Variants in CCL4L2 observed in about 807,000 individuals in gnomAD.
CCL4L2 encodes the protein C-C motif chemokine 4-like.
Under a neutral mutation model 5.9 loss-of-function variants are expected in CCL4L2, and 3 were observed. That is an observed-to-expected ratio of 0.51 (90% CI 0.23 to 1.32). The LOEUF (loss-of-function observed/expected upper bound fraction) is 1.32. CCL4L2 is among the 40% of genes most tolerant of loss of function. CCL4L2 has a pLI of 0.18. For missense variants in CCL4L2, 74 were observed against 121.2 expected, an observed-to-expected ratio of 0.61 and a Z score of 1.83; for synonymous variants, 36 against 47.6, an observed-to-expected ratio of 0.76 and a Z score of 1.00.
rs1403237906 is a variant in CCL4L2, at chr17:36,211,755, C to T, written c.77-21C>T. 5.7e-6 allele frequency: 9 copies of T among 1,566,120 alleles called. 1 individual carries two copies. The highest frequency in any genetic ancestry group is 7.0e-6 in the Non-Finnish European group (8 of 1,144,248). ...CAGCTCCCATGGGCAGTGTTGATCT[C>T]ACCCTGGCCTTTCCTTTCAGTGGGC... On this transcript the variant is annotated intron_variant, in intron 1 of 2. Transcript: ENST00000617405.
At chr17:36,212,106 A>G in intron 2 of CCL4L2, 1 of 727,486 alleles carries the variant, frequency 1.4e-6, no homozygotes, top group Admixed American at 2.1e-5. Context: ...CTGGGGAGGA[A>G]GTTATTCAGA....
At chr17:36,211,993 C>G in intron 2 of CCL4L2, 103 bp downstream of exon 2, 1 of 1,310,832 alleles carries the variant, frequency 7.6e-7, no homozygotes, top group Non-Finnish European at 1.1e-6. Context: ...GGAGGCAGCT[C>G]TCAGGGCTGA....
chr17:36,212,174 AC>A, intron 2 of CCL4L2: 1 of 699,990 alleles, frequency 1.4e-6, no homozygotes. Context: ...AATTCCTTAA[AC>A]CATGCTAGAA....
At position 36,212,767 on chromosome 17, in the gene CCL4L2, C is replaced by G; in HGVS notation, c.*344C>G. ...TTAGTTTAGCCAAAGGATAAGTGTCCCCTATGGGGATGGTCCACTCTCACT... is the reference window on the plus strand; with the variant it reads ...TTAGTTTAGCCAAAGGATAAGTGTCGCCTATGGGGATGGTCCACTCTCACT... On this transcript the variant is annotated 3_prime_UTR_variant, in exon 3 of 3. Transcript: ENST00000617405. The G allele has an allele frequency of 1.4e-6, 1 of 731,836 alleles. No homozygotes were observed. The allele number at this position is 731,836 out of a possible 1,614,324, so 45.3% of individuals were successfully genotyped here.
chr17:36,212,719 A>C lies in CCL4L2; in HGVS notation c.*296A>C. On this transcript the variant is annotated 3_prime_UTR_variant, in exon 3 of 3. Coordinates refer to ENST00000617405, the MANE Select transcript of CCL4L2 (RefSeq NM_001291475.2). The stretch of plus-strand genomic sequence containing the variant: ...CTTTTATGTGCTGTATTATTGTATT[A>C]GGTGTTATTTCCATTATTTATATTA... 4 of 1,000,434 alleles carry C rather than the reference A, an allele frequency of 4.0e-6. No individual in the cohort carries two copies. In the South Asian group the frequency reaches 5.7e-5, roughly 14 times the overall value. The allele number at this position is 1,000,434 out of a possible 1,614,324, so 62.0% of individuals were successfully genotyped here. A position where few individuals can be genotyped will look rare whatever the true frequency, so the allele number is the denominator to read the frequency against.
At chr17:36,212,249 A>G in intron 2 of CCL4L2, 1 of 728,704 alleles carries the variant, frequency 1.4e-6, no homozygotes, top group Non-Finnish European at 2.5e-6. Context: ...TACTGATTGC[A>G]ATGCCCACTG....
Position 36,211,795 on chromosome 17 carries a change from C to G in CCL4L2, c.96C>G (p.Thr32=). Reference sequence around the variant, plus strand: ...TTTCAGTGGGCTCAGACCCTCCCACCGCCTGCTGCTTTTCTTACACCGCGA... The same window carrying G: ...TTTCAGTGGGCTCAGACCCTCCCACGGCCTGCTGCTTTTCTTACACCGCGA... The change falls in exon 2 of 3, where the codon ACC becomes ACG. Residue 32 remains threonine (T), a synonymous_variant. Transcript: ENST00000617405. 6.3e-7 allele frequency: 1 copy of G among 1,578,510 alleles called. No individual in the cohort carries two copies. The highest frequency in any genetic ancestry group is 1.7e-5 in the Admixed American group (1 of 59,104).
Position 36,212,546 on chromosome 17 carries a change from G to C in CCL4L2, c.*123G>C. 6.3e-7 allele frequency: 1 copy of C among 1,581,504 alleles called. No individual in the cohort carries two copies. The highest frequency in any genetic ancestry group is 1.7e-5 in the Admixed American group (1 of 59,116). On this transcript the variant is annotated 3_prime_UTR_variant, in exon 3 of 3. Transcript: ENST00000617405. Reference sequence around the variant, plus strand: ...CAGTGAGTCCTGGGTCCAGGAGTACGTGTATGACCTGGAACTGAACTGAGC... The same window carrying C: ...CAGTGAGTCCTGGGTCCAGGAGTACCTGTATGACCTGGAACTGAACTGAGC...
At chr17:36,211,560 A>T in intron 1 of CCL4L2, 1 of 692,416 alleles carries the variant, frequency 1.4e-6, no homozygotes. Context: ...CTGAGACTGA[A>T]TCCAGTTCCA....
chr17:36,212,147 C>A, intron 2 of CCL4L2: 1 of 697,210 alleles, frequency 1.4e-6, no homozygotes, highest in Non-Finnish European at 2.6e-6. Flanking sequence ...GCAGACAGGT[C>A]CCGTGAGATA....
At chr17:36,211,542 G>T in intron 1 of CCL4L2, 1 of 679,428 alleles carries the variant, frequency 1.5e-6, no homozygotes, top group Non-Finnish European at 2.7e-6. Flanking sequence ...AAGGGAGTGC[G>T]ATGTGTTCTG....
chr17:36,212,826 C>T lies in CCL4L2; in HGVS notation c.*403C>T, dbSNP rs1390959097. 14 of 539,074 alleles carry T rather than the reference C, an allele frequency of 2.6e-5. No individual in the cohort carries two copies. The highest frequency in any genetic ancestry group is 1.8e-4 in the African/African-American group (10 of 54,940). 33.4% of individuals were successfully genotyped at this position (539,074 alleles called of 1,614,324 possible). On this transcript the variant is annotated 3_prime_UTR_variant, in exon 3 of 3. Coordinates refer to ENST00000617405, the MANE Select transcript of CCL4L2 (RefSeq NM_001291475.2). ...GCTGTTGCAAATACATGGATAACAC[C>T]GTTAATTCCATGTGTTTTCATAATA...
chr17:36,212,401 T>G lies in CCL4L2; in HGVS notation c.290T>G (p.Met97Arg). Residue 97 changes from methionine to arginine, a missense_variant, in exon 3 of 3, where the codon ATG becomes AGG. Met to Arg is a moderately conservative substitution (Grantham distance 91). Coordinates refer to ENST00000617405, the MANE Select transcript of CCL4L2 (RefSeq NM_001291475.2). ...TGGACCATGGTCAGGCAGAGGAAGA[T>G]GCCTACCACAGGCAAGGGATAAAGC... The G allele has an allele frequency of 6.6e-7, 1 of 1,510,364 alleles. No individual in the cohort carries two copies. Among genetic ancestry groups the G allele is most frequent in the Non-Finnish European group, 9.2e-7 (1 of 1,090,462 alleles). The allele number at this position is 1,510,364 out of a possible 1,614,324, so 93.6% of individuals were successfully genotyped here. A position where few individuals can be genotyped will look rare whatever the true frequency, so the allele number is the denominator to read the frequency against.
At chr17:36,211,917 G>C in intron 2 of CCL4L2, 27 bp downstream of exon 2, 4 of 1,574,978 alleles carry the variant, frequency 2.5e-6, no homozygotes, top group Non-Finnish European at 3.5e-6. Flanking sequence ...GGCTGCCCTG[G>C]GAGGCAAGGG....
rs1406460570 is a variant in CCL4L2, at chr17:36,212,337, T to C, written c.226T>C (p.Cys76Arg). The change falls in exon 3 of 3, where the codon TGC becomes CGC. Residue 76 changes from cysteine (C) to arginine (R), a missense_variant. Cys to Arg is a radical substitution (Grantham distance 180). Transcript: ENST00000617405. ...GTTACAGGGAGTCTGCTTCCAGTGCTGCTCCGGGAAGGATCCCATCCACCA... is the reference window on the plus strand; with the variant it reads ...GTTACAGGGAGTCTGCTTCCAGTGCCGCTCCGGGAAGGATCCCATCCACCA... The C allele has an allele frequency of 9.7e-7, 1 of 1,034,442 alleles. No individual in the cohort carries two copies. 64.1% of individuals were successfully genotyped at this position (1,034,442 alleles called of 1,614,324 possible).
intron 2 of CCL4L2, 144 bp downstream of exon 2, chr17:36,212,034 T>A: frequency 9.8e-7 from 1 of 1,020,374 alleles, no homozygotes; most frequent in Non-Finnish European, 1.5e-6. Context: ...AGGTCACAGG[T>A]CATGAACTCA....
Position 36,212,407 on chromosome 17 carries a change from C to A in CCL4L2, c.296C>A (p.Thr99Asn). The A allele has an allele frequency of 6.5e-7, 1 of 1,533,178 alleles. No homozygotes were observed. The highest frequency in any genetic ancestry group is 9.0e-7 in the Non-Finnish European group (1 of 1,111,810). 95.0% of individuals were successfully genotyped at this position (1,533,178 alleles called of 1,614,324 possible). ...ATGGTCAGGCAGAGGAAGATGCCTA[C>A]CACAGGCAAGGGATAAAGCCAGATG... The change falls in exon 3 of 3, where the codon ACC (threonine) becomes AAC (asparagine). Residue 99 changes from threonine (T) to asparagine (N), a missense_variant. Thr to Asn is a moderately conservative substitution (Grantham distance 65). Coordinates refer to ENST00000617405, the MANE Select transcript of CCL4L2 (RefSeq NM_001291475.2).
At position 36,212,676 on chromosome 17, in the gene CCL4L2, C is replaced by T. The variant is rs2068812615; in HGVS notation, c.*253C>T. On this transcript the variant is annotated 3_prime_UTR_variant, in exon 3 of 3. Coordinates refer to ENST00000617405, the MANE Select transcript of CCL4L2 (RefSeq NM_001291475.2). ...GGACTCCTCTCCGCAGTTCCTGTCTCTTCTCTTAATGTAATCTCTTTTATG... is the reference window on the plus strand; with the variant it reads ...GGACTCCTCTCCGCAGTTCCTGTCTTTTCTCTTAATGTAATCTCTTTTATG... 7.9e-7 allele frequency: 1 copy of T among 1,265,282 alleles called. No individual in the cohort carries two copies. The highest frequency in any genetic ancestry group is 1.2e-6 in the Non-Finnish European group (1 of 867,914). The allele number at this position is 1,265,282 out of a possible 1,614,324, so 78.4% of individuals were successfully genotyped here.
chr17:36,212,485 C>G lies in CCL4L2; in HGVS notation c.*62C>G. ...CTGTCTGCTCCTTGTTCTACGGATT[C>G]CAAACCAAAAGAGGCAAGCAAGTCT... On this transcript the variant is annotated 3_prime_UTR_variant, in exon 3 of 3. Transcript: ENST00000617405. 6.3e-7 allele frequency: 1 copy of G among 1,581,334 alleles called. No individual in the cohort carries two copies. The highest frequency in any genetic ancestry group is 1.3e-5 in the African/African-American group (1 of 74,870).
Sources: gnomAD v4.1 joint callset for allele counts on GRCh38, gnomAD v4.1.1 for gene constraint, MANE v1.5 for transcripts, NCBI Gene and HGNC (gene_info 2026-07-23, HGNC 2026-07-21) for gene names.